Variants in GRM8 observed in about 807,000 individuals in gnomAD.
GRM8 encodes glutamate metabotropic receptor 8, also known as metabotropic glutamate receptor 8.
A neutral mutation model predicts 87.2 loss-of-function variants in GRM8; 47 were observed. The observed-to-expected ratio is 0.54, with a 90% CI of 0.43 to 0.69. The LOEUF is 0.69. Among genes scored for constraint, GRM8 ranks in the 30% least tolerant of loss-of-function variants. GRM8 has a pLI of 0.00. For missense variants in GRM8, 1,019 were observed against 1,139.2 expected, an observed-to-expected ratio of 0.89 and a Z score of 1.52; for synonymous variants, 396 against 404.5, an observed-to-expected ratio of 0.98 and a Z score of 0.25.
intron 9 of GRM8, among the ~76,000 whole-genome samples, chr7:126,508,436 T>C (rs1810827959): frequency 6.6e-6 from 1 of 151,968 alleles, no homozygotes; most frequent in Non-Finnish European, 1.5e-5. Context: ...TATTCCTCCA[T>C]TCATGAGGAT....
chr7:126,465,844 C>T (rs1477385217), intron 9 of GRM8, among the ~76,000 whole-genome samples: 1 of 151,670 alleles, frequency 6.6e-6, no homozygotes, highest in African/African-American at 2.4e-5. Context: ...TATTGAATAA[C>T]AGAAATTATT....
rs1042379407 is a variant in GRM8 at position 126,763,675 on chromosome 7, T to C, written c.1357+6190A>G. Among the ~76,000 whole-genome samples the C allele has an allele frequency of 4.4e-5, 4 of 91,562 alleles. 1 individual carries two copies. The highest frequency in any genetic ancestry group is 6.9e-4 in the South Asian group (2 of 2,878). 60.1% of individuals were successfully genotyped at this position (91,562 alleles called of 152,430 possible). A position where few individuals can be genotyped will look rare whatever the true frequency, so the allele number is the denominator to read the frequency against. ...GATTGATTATTGTAGTTTAACATTA[T>C]GCTTAAGTGTTAAATGTTTGGTAGG... On this transcript the variant is annotated intron_variant, in intron 7 of 10. Transcript: ENST00000339582.
chr7:127,223,673 C>T (rs966121508), intron 2 of GRM8, among the ~76,000 whole-genome samples: 3 of 152,000 alleles, frequency 2.0e-5, no homozygotes, highest in Non-Finnish European at 4.4e-5. Flanking sequence ...AGGTCTTACC[C>T]GCCACCACTC....
chr7:127,250,686 T>G (rs1268504598), intron 1 of GRM8, among the ~76,000 whole-genome samples: 1 of 152,214 alleles, frequency 6.6e-6, no homozygotes, highest in Non-Finnish European at 1.5e-5. Flanking sequence ...TGCACACAGC[T>G]GATTCTGCCT....
At chr7:127,089,969 G>A (rs536165901) in intron 3 of GRM8, among the ~76,000 whole-genome samples, 9 of 152,100 alleles carry the variant, frequency 5.9e-5, no homozygotes, top group Non-Finnish European at 1.0e-4. Flanking sequence ...CACAAACTGC[G>A]GTTGGCCAAG....
At chr7:126,755,986 C>A (rs979765338) in intron 7 of GRM8, among the ~76,000 whole-genome samples, 1 of 151,864 alleles carries the variant, frequency 6.6e-6, no homozygotes, top group African/African-American at 2.4e-5. Context: ...TTATTTATTT[C>A]ATCATTTAGA....
chr7:126,717,314 G>T (rs1282261243), intron 7 of GRM8, among the ~76,000 whole-genome samples: 1 of 152,150 alleles, frequency 6.6e-6, no homozygotes, highest in Non-Finnish European at 1.5e-5. Context: ...CTGACAGGAA[G>T]GTCGAGGCTT....
chr7:126,768,593 G>T (rs1563168535), intron 7 of GRM8, among the ~76,000 whole-genome samples: 2 of 151,924 alleles, frequency 1.3e-5, no homozygotes, highest in African/African-American at 4.8e-5. Flanking sequence ...GCTTTCTTTA[G>T]TGCTTCTTTA....
intron 7 of GRM8, among the ~76,000 whole-genome samples, chr7:126,681,203 C>T (rs1249003819): frequency 6.6e-6 from 1 of 152,168 alleles, no homozygotes; most frequent in East Asian, 1.9e-4. Context: ...GCCCCATATA[C>T]TGATGCAGAA....
chr7:127,002,848 T>C (rs1347789162), intron 3 of GRM8, among the ~76,000 whole-genome samples: 1 of 151,740 alleles, frequency 6.6e-6, no homozygotes, highest in Middle Eastern at 3.2e-3. Flanking sequence ...TTAATAAAGT[T>C]CACTTTCTCT....
chr7:126,456,519 TAAAAAAAAAAA>T (rs513), intron 9 of GRM8, among the ~76,000 whole-genome samples: 112 of 69,686 alleles, frequency 1.6e-3, no homozygotes, highest in Middle Eastern at 0.015. Context: ...AGCAGCAAGC[TAAAAAAAAAAA>T]AAAAAAAAAA....
intron 2 of GRM8, among the ~76,000 whole-genome samples, chr7:127,181,292 G>T (rs534259494): frequency 6.6e-6 from 1 of 151,858 alleles, no homozygotes; most frequent in South Asian, 2.1e-4. Flanking sequence ...CTAACCAAGG[G>T]GTCAAAAGAC....
chr7:126,872,868 C>T lies in GRM8; in HGVS notation c.1156+29674G>A, dbSNP rs115658606. Among the ~76,000 whole-genome samples the T allele has an allele frequency of 4.3e-4, 65 of 152,216 alleles. 1 individual carries two copies. The highest frequency in any genetic ancestry group is 1.5e-3 in the African/African-American group (64 of 41,550). ...TAATTTTTAAAATGAAAATCTATAT[C>T]CATCAGGCATATGTCATAGTTTCAG... is the stretch of plus-strand genomic sequence containing the variant. On this transcript the variant is annotated intron_variant, in intron 6 of 10. Coordinates refer to ENST00000339582, the MANE Select transcript of GRM8 (RefSeq NM_000845.3).
intron 2 of GRM8, among the ~76,000 whole-genome samples, chr7:127,158,594 T>C (rs1289081557): frequency 1.3e-5 from 2 of 152,250 alleles, no homozygotes; most frequent in Non-Finnish European, 2.9e-5. Flanking sequence ...GCTTCAAAGA[T>C]GGCACCTTGC....
At chr7:126,885,056 T>C (rs548726655) in intron 6 of GRM8, among the ~76,000 whole-genome samples, 31 of 152,326 alleles carry the variant, frequency 2.0e-4, no homozygotes, top group African/African-American at 7.0e-4. Context: ...TACATACCTC[T>C]GCATCCAAAG....
intron 3 of GRM8, among the ~76,000 whole-genome samples, chr7:126,905,954 T>C (rs972110842): frequency 6.6e-6 from 1 of 152,160 alleles, no homozygotes; most frequent in African/African-American, 2.4e-5. Context: ...GGTTTGAAGT[T>C]GGAAACAATG....
chr7:127,205,183 C>T (rs2237798), intron 2 of GRM8, among the ~76,000 whole-genome samples: 27,048 of 152,080 alleles, frequency 0.18, 3,048 homozygotes, highest in Non-Finnish European at 0.26. Flanking sequence ...ACAGCTGGCC[C>T]TGTATGTTAT....
At chr7:127,007,301 A>G (rs17866773) in intron 3 of GRM8, among the ~76,000 whole-genome samples, 1,667 of 152,096 alleles carry the variant, frequency 0.011, 24 homozygotes, top group African/African-American at 0.037. Context: ...ACTAGAGAAT[A>G]CATTCATCAC....
intron 7 of GRM8, among the ~76,000 whole-genome samples, chr7:126,716,737 T>A (rs944720926): frequency 6.6e-6 from 1 of 152,166 alleles, no homozygotes; most frequent in Non-Finnish European, 1.5e-5. Context: ...TCTACTCTCA[T>A]GTATGATTTT....
Sources: allele counts gnomAD v4.1 joint callset (sites outside exome capture counted in the v4.1 genomes callset), GRCh38; gene constraint gnomAD v4.1.1; transcripts MANE v1.5; gene names NCBI Gene and HGNC (gene_info 2026-07-23, HGNC 2026-07-21).